DMD: variants seen among roughly 807,000 people sequenced by gnomAD.
DMD encodes mutant dystrophin.
In DMD, 63 loss-of-function variants were observed where a neutral mutation model predicts 330.1. The ratio of observed to expected loss-of-function variants is 0.19; its 90% CI spans 0.16 to 0.24. The LOEUF (loss-of-function observed/expected upper bound fraction) is 0.24, where lower values mean the gene tolerates loss of function less well. DMD is among the 10% of genes least tolerant of loss of function. The probability of loss-of-function intolerance (pLI) is 1.00; values close to 1 mark genes in which losing one functional copy is unlikely to be tolerated. For missense variants in DMD, 3,344 were observed against 2,684.1 expected, an observed-to-expected ratio of 1.25 and a Z score of -5.43; for synonymous variants, 1,223 against 959.8, an observed-to-expected ratio of 1.27 and a Z score of -5.07.
chrX:33,327,104 A>G (rs1280659229), intron 1 of DMD, among the ~76,000 whole-genome samples: 1 of 112,508 alleles, frequency 8.9e-6, no homozygotes, highest in Non-Finnish European at 1.9e-5. Flanking sequence ...CTATTTGTTC[A>G]CATACAGTGA....
intron 2 of DMD, among the ~76,000 whole-genome samples, chrX:32,986,570 C>T (rs1346846384): frequency 8.9e-6 from 1 of 111,989 alleles, no homozygotes; most frequent in Non-Finnish European, 1.9e-5. Flanking sequence ...GAATTTCATC[C>T]TATTCTGTAT....
At chrX:32,893,507 G>C (rs1334509026) in intron 2 of DMD, among the ~76,000 whole-genome samples, 1 of 111,846 alleles carries the variant, frequency 8.9e-6, no homozygotes, top group Non-Finnish European at 1.9e-5. Context: ...ATGTGAAAGT[G>C]ACCGTCTTCC....
At chrX:32,819,005 G>GTTTTT (rs55923814) in intron 5 of DMD, among the ~76,000 whole-genome samples, 21 of 69,817 alleles carry the variant, frequency 3.0e-4, no homozygotes, top group East Asian at 9.0e-4. Flanking sequence ...TTCTACAGGT[G>GTTTTT]TTTTTTTTTT....
intron 74 of DMD, among the ~76,000 whole-genome samples, chrX:31,151,329 A>T (rs1229043929): frequency 1.8e-5 from 2 of 112,487 alleles, no homozygotes; most frequent in African/African-American, 6.5e-5. Context: ...TTTATGTAGA[A>T]TCCTATTCAA....
intron 44 of DMD, among the ~76,000 whole-genome samples, chrX:32,164,777 T>C (rs1268451806): frequency 1.0e-5 from 1 of 97,559 alleles, no homozygotes; most frequent in Non-Finnish European, 2.0e-5. Flanking sequence ...GAGGCAAAAA[T>C]GGTTTCGTGG....
chrX:32,580,130 G>A (rs2053502293), intron 13 of DMD, among the ~76,000 whole-genome samples: 1 of 110,295 alleles, frequency 9.1e-6, no homozygotes, highest in Non-Finnish European at 1.9e-5. Flanking sequence ...CAGCGTAACA[G>A]TGTTCCTTCC....
intron 60 of DMD, among the ~76,000 whole-genome samples, chrX:31,368,076 C>G (rs769239202): frequency 9.0e-6 from 1 of 111,430 alleles, no homozygotes; most frequent in East Asian, 2.8e-4. Context: ...GCTGTATAGC[C>G]AGCATCCCTT....
intron 2 of DMD, among the ~76,000 whole-genome samples, chrX:32,866,520 C>T (rs1457753328): frequency 9.0e-6 from 1 of 110,891 alleles, no homozygotes. Flanking sequence ...AATTATTTTA[C>T]TGCTGAAATT....
At chrX:31,726,793 G>T (rs1043442558) in intron 52 of DMD, among the ~76,000 whole-genome samples, 1 of 111,916 alleles carries the variant, frequency 8.9e-6, no homozygotes, top group Non-Finnish European at 1.9e-5. Flanking sequence ...CTTAATAAGC[G>T]CTATGACACA....
chrX:32,404,108 C>T (rs976301108), intron 30 of DMD, among the ~76,000 whole-genome samples: 3 of 112,041 alleles, frequency 2.7e-5, no homozygotes, highest in South Asian at 3.7e-4. Flanking sequence ...TTAAAGATGA[C>T]CGATTATATT....
chrX:31,220,896 A>ATTTTTT (rs61226425), intron 64 of DMD, among the ~76,000 whole-genome samples: 3 of 34,821 alleles, frequency 8.6e-5, no homozygotes, highest in Non-Finnish European at 9.3e-5. Flanking sequence ...TTTTTTTGCG[A>ATTTTTT]TTTTTTTTTT....
At chrX:32,768,491 T>C (rs1373445801) in intron 7 of DMD, among the ~76,000 whole-genome samples, 1 of 112,245 alleles carries the variant, frequency 8.9e-6, no homozygotes, top group Non-Finnish European at 1.9e-5. Context: ...GCATTGTGTA[T>C]ATTATTTAAT....
At chrX:32,604,752 A>C (rs1385602318) in intron 12 of DMD, among the ~76,000 whole-genome samples, 2 of 108,732 alleles carry the variant, frequency 1.8e-5, no homozygotes, top group African/African-American at 6.7e-5. Context: ...ATTTCTATAC[A>C]CCAATAATGA....
chrX:31,754,078 G>A (rs911907352), intron 51 of DMD, among the ~76,000 whole-genome samples: 8 of 110,973 alleles, frequency 7.2e-5, no homozygotes, highest in African/African-American at 2.3e-4. Context: ...ACACACGTAC[G>A]CTCGGCAGTG....
chrX:32,782,480 C>T (rs1437470810), intron 7 of DMD, among the ~76,000 whole-genome samples: 2 of 111,354 alleles, frequency 1.8e-5, no homozygotes, highest in Non-Finnish European at 3.8e-5. Flanking sequence ...ATGTAAATAT[C>T]ATGCTAGATG....
At chrX:32,842,473 G>A (rs1430487999) in intron 4 of DMD, among the ~76,000 whole-genome samples, 1 of 111,820 alleles carries the variant, frequency 8.9e-6, no homozygotes, top group African/African-American at 3.3e-5. Context: ...TGGTATGTGT[G>A]CTAGCATGTA....
At chrX:31,655,799 C>T (rs2080748810) in intron 54 of DMD, among the ~76,000 whole-genome samples, 1 of 111,263 alleles carries the variant, frequency 9.0e-6, no homozygotes, top group African/African-American at 3.3e-5. Flanking sequence ...GACTTCGCAG[C>T]CTCCAGAACT....
At chrX:33,168,489 C>T (rs1230002417) in intron 1 of DMD, among the ~76,000 whole-genome samples, 1 of 107,739 alleles carries the variant, frequency 9.3e-6, no homozygotes, top group Non-Finnish European at 1.9e-5. Context: ...TTTTTGGAAA[C>T]TTGCATTCAG....
At chrX:31,589,085 AT>A (rs1276279954) in intron 55 of DMD, among the ~76,000 whole-genome samples, 2 of 95,291 alleles carry the variant, frequency 2.1e-5, no homozygotes, top group Non-Finnish European at 4.2e-5. Context: ...GGTTTTTACC[AT>A]TGTCATGCAA....
Sources: gnomAD v4.1 joint callset for allele counts (sites outside exome capture counted in the v4.1 genomes callset) on GRCh38, gnomAD v4.1.1 for gene constraint, MANE v1.5 for transcripts, NCBI Gene and HGNC (gene_info 2026-07-23, HGNC 2026-07-21) for gene names.